RBFOX1: variants seen among roughly 807,000 people sequenced by gnomAD.
RBFOX1 encodes the protein RNA binding protein fox-1 homolog 1.
RBFOX1 carries 8 observed loss-of-function variants against 57.7 expected under a neutral mutation model. That is an observed-to-expected ratio of 0.14 (90% CI 0.08 to 0.25). The LOEUF (loss-of-function observed/expected upper bound fraction) is 0.25. Among genes scored for constraint, RBFOX1 ranks in the 10% least tolerant of loss-of-function variants. The probability of loss-of-function intolerance (pLI) is 1.00; values close to 1 mark genes in which losing one functional copy is unlikely to be tolerated. For missense variants in RBFOX1, 611 were observed against 548.5 expected (o/e 1.11, Z -1.14); for synonymous variants, 326 against 222.4 (o/e 1.47, Z -4.15).
At chr16:6,895,448 G>GTATATATATATATATA (rs71147622) in intron 3 of RBFOX1, among the ~76,000 whole-genome samples, 2 of 54,630 alleles carry the variant, frequency 3.7e-5, no homozygotes, top group Non-Finnish European at 6.7e-5. Flanking sequence ...GTGTGTGTGT[G>GTATATATATATATATA]TATATATATA....
intron 2 of RBFOX1, among the ~76,000 whole-genome samples, chr16:6,376,179 C>G (rs181370649): frequency 6.6e-6 from 1 of 152,310 alleles, no homozygotes; most frequent in Non-Finnish European, 1.5e-5. Flanking sequence ...ACTGTTCTCT[C>G]TTTCCCCTAG....
chr16:7,548,578 G>C (rs1294545212), intron 5 of RBFOX1, among the ~76,000 whole-genome samples: 1 of 152,222 alleles, frequency 6.6e-6, no homozygotes, highest in African/African-American at 2.4e-5. Context: ...CCAATGCAAG[G>C]GGCAAATGCA....
intron 3 of RBFOX1, among the ~76,000 whole-genome samples, chr16:6,815,949 C>T (rs149307814): frequency 6.6e-6 from 1 of 152,152 alleles, no homozygotes; most frequent in South Asian, 2.1e-4. Flanking sequence ...ACTTGAAGAT[C>T]TTTAAGAGTA....
At chr16:5,368,344 C>A (rs141295056) in intron 1 of RBFOX1, among the ~76,000 whole-genome samples, 2 of 152,178 alleles carry the variant, frequency 1.3e-5, no homozygotes, top group African/African-American at 4.8e-5. Flanking sequence ...TGGGCTACTG[C>A]AATATTAATG....
At chr16:5,868,560 A>G (rs577441605) in intron 4 of RBFOX1, among the ~76,000 whole-genome samples, 3 of 152,222 alleles carry the variant, frequency 2.0e-5, no homozygotes, top group Non-Finnish European at 1.5e-5. Flanking sequence ...ATCCACAAGT[A>G]TCCATTCCCG....
At chr16:5,588,539 G>A (rs2046905558) in intron 2 of RBFOX1, among the ~76,000 whole-genome samples, 1 of 152,088 alleles carries the variant, frequency 6.6e-6, no homozygotes, top group Non-Finnish European at 1.5e-5. Context: ...CATCTTCAGT[G>A]GCATCAGTGT....
chr16:7,652,224 C>G (rs560621670), intron 11 of RBFOX1, among the ~76,000 whole-genome samples: 2 of 151,378 alleles, frequency 1.3e-5, no homozygotes, highest in Admixed American at 6.6e-5. Context: ...GTTTCCTGGC[C>G]CCATGGGCCC....
intron 2 of RBFOX1, among the ~76,000 whole-genome samples, chr16:6,321,577 A>G (rs2081799428): frequency 6.6e-6 from 1 of 152,190 alleles, no homozygotes; most frequent in Admixed American, 6.5e-5. Context: ...TGCCTAATGC[A>G]TGCTGATTAT....
At chr16:6,118,034 G>A (rs1317063078) in intron 1 of RBFOX1, among the ~76,000 whole-genome samples, 1 of 152,144 alleles carries the variant, frequency 6.6e-6, no homozygotes, top group African/African-American at 2.4e-5. Flanking sequence ...AGATAATTTT[G>A]CACTTTCATA....
chr16:5,606,300 C>T (rs74934831), intron 3 of RBFOX1, among the ~76,000 whole-genome samples: 3,934 of 152,174 alleles, frequency 0.026, 106 homozygotes, highest in African/African-American at 0.069. Flanking sequence ...TTTGCTTAGG[C>T]TATCCTTTCT....
intron 1 of RBFOX1, among the ~76,000 whole-genome samples, chr16:5,430,876 C>G (rs1473284041): frequency 4.6e-5 from 7 of 152,154 alleles, no homozygotes; most frequent in African/African-American, 7.2e-5. Flanking sequence ...AAGTTTTGCC[C>G]TGGTATAAAG....
chr16:5,499,223 G>A (rs532471757), intron 2 of RBFOX1, among the ~76,000 whole-genome samples: 68 of 152,290 alleles, frequency 4.5e-4, no homozygotes, highest in African/African-American at 1.1e-3. Flanking sequence ...CAAGCTGTAC[G>A]TGGAAAAGAC....
chr16:6,962,432 T>G (rs1176504430), intron 3 of RBFOX1, among the ~76,000 whole-genome samples: 2 of 152,164 alleles, frequency 1.3e-5, no homozygotes, highest in African/African-American at 4.8e-5. Flanking sequence ...TGTGCAACTT[T>G]TTCTGTTACA....
chr16:6,575,737 AT>A (rs1464945441), intron 2 of RBFOX1, among the ~76,000 whole-genome samples: 3 of 151,764 alleles, frequency 2.0e-5, no homozygotes, highest in Admixed American at 1.3e-4. Flanking sequence ...GACGCCTGTA[AT>A]CCCAGGTACT....
At chr16:5,365,929 GA>G in intron 1 of RBFOX1, 1 of 495,298 alleles carries the variant, frequency 2.0e-6, no homozygotes, top group African/African-American at 1.9e-5. Flanking sequence ...TTATCTTTAA[GA>G]ATGGTCAGTT....
At chr16:6,361,399 G>A (rs1448987413) in intron 2 of RBFOX1, among the ~76,000 whole-genome samples, 67 of 152,106 alleles carry the variant, frequency 4.4e-4, no homozygotes, top group Non-Finnish European at 2.9e-5. Flanking sequence ...GGAGGCCGAG[G>A]CGGGTGGATC....
intron 4 of RBFOX1, among the ~76,000 whole-genome samples, chr16:7,242,611 T>A (rs755886504): frequency 6.6e-6 from 1 of 152,178 alleles, no homozygotes; most frequent in Non-Finnish European, 1.5e-5. Context: ...GAACAAACTT[T>A]CCATGGTGAC....
At chr16:5,821,725 T>C (rs779174692) in intron 3 of RBFOX1, among the ~76,000 whole-genome samples, 3 of 152,202 alleles carry the variant, frequency 2.0e-5, no homozygotes, top group Non-Finnish European at 2.9e-5. Flanking sequence ...TTTCTCGTAG[T>C]TCTGGAGGGT....
chr16:7,387,143 G>C (rs936849807), intron 4 of RBFOX1, among the ~76,000 whole-genome samples: 2 of 152,072 alleles, frequency 1.3e-5, no homozygotes, highest in African/African-American at 2.4e-5. Flanking sequence ...CAGATGAATA[G>C]ATGGTAAAAA....
Sources: gnomAD v4.1 joint callset for allele counts (sites outside exome capture counted in the v4.1 genomes callset) on GRCh38, gnomAD v4.1.1 for gene constraint, MANE v1.5 for transcripts, NCBI Gene and HGNC (gene_info 2026-07-23, HGNC 2026-07-21) for gene names.